CFL1: variants seen among roughly 807,000 people sequenced by gnomAD.
The protein encoded by CFL1 is cofilin-1.
Under a neutral mutation model 16.3 loss-of-function variants are expected in CFL1, and 2 were observed. The ratio of observed to expected loss-of-function variants is 0.12; its 90% CI spans 0.05 to 0.39. The LOEUF is 0.39. Among genes scored for constraint, CFL1 ranks in the 10% least tolerant of loss-of-function variants. CFL1 has a pLI of 0.99. For missense variants in CFL1, 75 were observed against 212.2 expected (o/e 0.35, Z 4.02); for synonymous variants, 111 against 84.4 (o/e 1.31, Z -1.73).
rs138571177 is a variant in CFL1, at chr11:65,856,169, G to A, written c.77C>T (p.Pro26Leu). 3.7e-6 allele frequency: 6 copies of A among 1,613,968 alleles called. No individual in the cohort carries two copies. The highest frequency in any genetic ancestry group is 5.1e-6 in the Non-Finnish European group (6 of 1,180,022). ...NDMKVRKSST[P>L]EEVKKRKKAV... ...CTTCTTGCGCTTCTTCACCTCCTCT[G>A]GCGTTGAAGACTTACGCACCTTCAT... The change falls in exon 2 of 4, where the codon CCA becomes CTA. Residue 26 changes from proline to leucine, a missense_variant. Physicochemically the swap from Pro to Leu is moderately conservative, Grantham distance 98. Coordinates refer to ENST00000308162, the MANE Select transcript of CFL1 (RefSeq NM_005507.3).
In CFL1 at chr11:65,855,715, C is replaced by T. The variant is rs373497422; in HGVS notation, c.327G>A (p.Ala109=). ...CATAAATCATTTTGCTCTTAAGGGG[C>T]GCAGACTCGGGGGCCCTGGACAGAA... ...LVFIFWAPES[A]PLKSKMIYAS... The change falls in exon 3 of 4, where the codon GCG becomes GCA. Residue 109 remains alanine (A), a synonymous_variant. Transcript: ENST00000308162. 1.0e-5 allele frequency: 16 copies of T among 1,557,468 alleles called. No individual in the cohort carries two copies. Among genetic ancestry groups the T allele is most frequent in the Admixed American group, 2.0e-5 (1 of 49,996 alleles).
intron 1 of CFL1, 32 bp downstream of exon 1, chr11:65,858,065 G>A (rs1049607223): frequency 5.2e-6 from 8 of 1,526,124 alleles, no homozygotes; most frequent in Middle Eastern, 2.3e-4. Flanking sequence ...ACCCGCAGCC[G>A]CCTCCCTCAG....
Position 65,855,428 on chromosome 11 carries a change from C to T in CFL1, c.409G>A (p.Ala137Thr). Residue 137 changes from alanine to threonine, a missense_variant, in exon 4 of 4, where the codon GCA becomes ACA. Coordinates refer to ENST00000308162, the MANE Select transcript of CFL1 (RefSeq NM_005507.3). ...KLTGIKHELQ[A>T]NCYEEVKDRC... Reference sequence around the variant, plus strand: ...TCCTTGACCTCCTCGTAGCAGTTTGCTTGCAATTCATGCTTGATCCCTATA... The same window carrying T: ...TCCTTGACCTCCTCGTAGCAGTTTGTTTGCAATTCATGCTTGATCCCTATA... 6.2e-7 allele frequency: 1 copy of T among 1,613,510 alleles called. No homozygotes were observed. Among genetic ancestry groups the T allele is most frequent in the Non-Finnish European group, 8.5e-7 (1 of 1,179,826 alleles).
intron 2 of CFL1, 37 bp downstream of exon 2, chr11:65,855,898 G>A (rs757761586): frequency 1.9e-6 from 3 of 1,589,910 alleles, no homozygotes; most frequent in Admixed American, 1.7e-5. Flanking sequence ...ATGAGAAAGG[G>A]GGCAGGTGAC....
At chr11:65,857,924 CG>C (rs1181584456) in intron 1 of CFL1, 172 bp downstream of exon 1, 3 of 535,534 alleles carry the variant, frequency 5.6e-6, no homozygotes, top group Non-Finnish European at 8.7e-6. Flanking sequence ...CGGCCCTCCC[CG>C]GCGCCCACGG....
In CFL1 at chr11:65,855,465, G is replaced by A. The variant is rs1186091581; in HGVS notation, c.389-17C>T. The stretch of plus-strand genomic sequence containing the variant: ...GCTTGATCCCTATAAAGAAGAAAGG[G>A]GAGCATCTGTGAGCAGGAAGCACTG... On this transcript the variant is annotated splice_polypyrimidine_tract_variant and intron_variant, in intron 3 of 3. Transcript: ENST00000308162. 2.5e-6 allele frequency: 4 copies of A among 1,611,662 alleles called. No individual in the cohort carries two copies. Among genetic ancestry groups the A allele is most frequent in the South Asian group, 1.1e-5 (1 of 91,014 alleles).
At position 65,856,271 on chromosome 11, in the gene CFL1, A is replaced by G. The variant is rs575779678; in HGVS notation, c.4-29T>C. 4.1e-5 allele frequency: 65 copies of G among 1,598,478 alleles called. No homozygotes were observed. In the African/African-American group the frequency reaches 8.2e-4, roughly 20 times the overall value. On this transcript the variant is annotated intron_variant, in intron 1 of 3. Coordinates refer to ENST00000308162, the MANE Select transcript of CFL1 (RefSeq NM_005507.3). ...GGAGACATGCCACGTATACGTCAAG[A>G]AAAGGATTCTAGGGAACTGCCCCTT...
chr11:65,855,469 C>T, intron 3 of CFL1, 21 bp from the exon 4 acceptor site: 1 of 1,609,142 alleles, frequency 6.2e-7, no homozygotes, highest in Admixed American at 1.7e-5. Flanking sequence ...GAAAGGGGAG[C>T]ATCTGTGAGC....
At chr11:65,856,448 C>T (rs1277592912) in intron 1 of CFL1, 2 of 571,490 alleles carry the variant, frequency 3.5e-6, no homozygotes, top group Non-Finnish European at 6.3e-6. Context: ...CCTAGTTCAA[C>T]AACCCCTTCC....
chr11:65,858,074 A>T, intron 1 of CFL1, 23 bp downstream of exon 1: 1 of 1,531,750 alleles, frequency 6.5e-7, no homozygotes, highest in Non-Finnish European at 8.8e-7. Flanking sequence ...CGCCTCCCTC[A>T]GGCGCCGTGG....
chr11:65,857,021 A>C (rs1859398169), intron 1 of CFL1: 1 of 154,412 alleles, frequency 6.5e-6, no homozygotes, highest in African/African-American at 2.4e-5. Flanking sequence ...ACTGCAGAAG[A>C]AGCCGGCCAC....
At chr11:65,856,303 T>C (rs941117306) in intron 1 of CFL1, 61 bp from the exon 2 acceptor site, 4 of 1,517,258 alleles carry the variant, frequency 2.6e-6, no homozygotes, top group Non-Finnish European at 3.6e-6. Flanking sequence ...CCTTGTTTTT[T>C]CAGAAGATCT....
Position 65,856,881 on chromosome 11 carries a change from A to G in CFL1, c.4-639T>C, listed in dbSNP as rs143739345. The G allele has an allele frequency of 5.5e-3, 843 of 153,598 alleles. 4 individuals carry two copies. The highest frequency in any genetic ancestry group is 0.018 in the South Asian group (94 of 5,270). The allele number at this position is 153,598 out of a possible 1,614,324, so 9.5% of individuals were successfully genotyped here. A position where few individuals can be genotyped will look rare whatever the true frequency, so the allele number is the denominator to read the frequency against. On this transcript the variant is annotated intron_variant, in intron 1 of 3. Transcript: ENST00000308162. ...CCAGAAGTCGCTGATAAAAATTAAC[A>G]TGCCAAACTCAAGTGCCCAGAGGCC...
rs201061085 is a variant in CFL1, at chr11:65,856,253, T to C, written c.4-11A>G. 9 of 1,609,022 alleles carry C rather than the reference T, an allele frequency of 5.6e-6. No individual in the cohort carries two copies. In the Admixed American group the frequency reaches 8.4e-5, roughly 15 times the overall value. ...AGCCACACCGGAGGCCTAGGAGACA[T>C]GCCACGTATACGTCAAGAAAAGGAT... is the stretch of plus-strand genomic sequence containing the variant. On this transcript the variant is annotated splice_polypyrimidine_tract_variant and intron_variant, in intron 1 of 3. Coordinates refer to ENST00000308162, the MANE Select transcript of CFL1 (RefSeq NM_005507.3).
rs750964102 is a variant in CFL1 at position 65,856,168 on chromosome 11, T to G, written c.78A>C (p.Pro26=). 3 of 1,614,188 alleles carry G rather than the reference T, an allele frequency of 1.9e-6. No individual in the cohort carries two copies. Among genetic ancestry groups the G allele is most frequent in the Non-Finnish European group, 1.7e-6 (2 of 1,180,016 alleles). Residue 26 remains proline (P), a synonymous_variant, in exon 2 of 4, where the codon CCA becomes CCC. Transcript: ENST00000308162. ...NDMKVRKSST[P]EEVKKRKKAV... is the part of the protein sequence containing the mutation. ...CCTTCTTGCGCTTCTTCACCTCCTC[T>G]GGCGTTGAAGACTTACGCACCTTCA...
At position 65,856,241 on chromosome 11, in the gene CFL1, G is replaced by A; in HGVS notation, c.5C>T (p.Ala2Val). M[A>V]SGVAVSDGVI... Reference sequence around the variant, plus strand: ...ACCATCAGAGACAGCCACACCGGAGGCCTAGGAGACATGCCACGTATACGT... The same window carrying A: ...ACCATCAGAGACAGCCACACCGGAGACCTAGGAGACATGCCACGTATACGT... The change falls in exon 2 of 4, where the codon GCC becomes GTC. Residue 2 changes from alanine to valine, a missense_variant and splice_region_variant. Coordinates refer to ENST00000308162, the MANE Select transcript of CFL1 (RefSeq NM_005507.3). 1.2e-6 allele frequency: 2 copies of A among 1,611,158 alleles called. No individual in the cohort carries two copies. Among genetic ancestry groups the A allele is most frequent in the Non-Finnish European group, 1.7e-6 (2 of 1,177,584 alleles).
Position 65,858,156 on chromosome 11 carries a change from A to G in CFL1, c.-57T>C. 2.6e-6 allele frequency: 4 copies of G among 1,511,216 alleles called. No individual in the cohort carries two copies. Among genetic ancestry groups the G allele is most frequent in the Non-Finnish European group, 3.5e-6 (4 of 1,128,594 alleles). 93.6% of individuals were successfully genotyped at this position (1,511,216 alleles called of 1,614,324 possible). On this transcript the variant is annotated 5_prime_UTR_variant, in exon 1 of 4. Transcript: ENST00000308162. The stretch of plus-strand genomic sequence containing the variant: ...GAGCCGCAGAAGACGAGAGCGCTGC[A>G]GCCGCTGCCGGGACCCGACTGAACG...
rs1245800277 is a variant in CFL1 at position 65,857,928 on chromosome 11, G to A, written c.3+169C>T. On this transcript the variant is annotated intron_variant, in intron 1 of 3. Coordinates refer to ENST00000308162, the MANE Select transcript of CFL1 (RefSeq NM_005507.3). ...GACGTCCAGACCGGCCCTCCCCGGC[G>A]CCCACGGGCGCGCACGCGCATTCCG... The A allele has an allele frequency of 2.3e-5, 13 of 556,612 alleles. No individual in the cohort carries two copies. In the East Asian group the frequency reaches 4.1e-4, roughly 18 times the overall value. 34.5% of individuals were successfully genotyped at this position (556,612 alleles called of 1,614,324 possible). A position where few individuals can be genotyped will look rare whatever the true frequency, so the allele number is the denominator to read the frequency against.
chr11:65,855,588 C>A, intron 3 of CFL1, 66 bp downstream of exon 3: 1 of 1,552,932 alleles, frequency 6.4e-7, no homozygotes, highest in Non-Finnish European at 8.8e-7. Context: ...CCTCTGCGTG[C>A]CATTCACCCT....
Sources: gnomAD v4.1 joint callset for allele counts on GRCh38, gnomAD v4.1.1 for gene constraint, MANE v1.5 for transcripts, NCBI Gene and HGNC (gene_info 2026-07-23, HGNC 2026-07-21) for gene names.